Variants in ACACB observed in about 807,000 individuals in gnomAD.
ACACB encodes the protein acetyl-CoA carboxylase beta.
A neutral mutation model predicts 278.8 loss-of-function variants in ACACB; 209 were observed. The observed-to-expected ratio is 0.75, with a 90% CI of 0.67 to 0.84. The LOEUF (loss-of-function observed/expected upper bound fraction) is 0.84. ACACB is among the 40% of genes least tolerant of loss of function. The pLI, the probability that ACACB is intolerant of heterozygous loss-of-function variation, is 0.00. For synonymous variants in ACACB, 1,174 were observed against 1,285.6 expected, an observed-to-expected ratio of 0.91 and a Z score of 1.86; for missense variants, 2,850 against 3,269.0, an observed-to-expected ratio of 0.87 and a Z score of 3.13.
chr12:109,131,661 G>A (rs1005678544), intron 1 of ACACB, among the ~76,000 whole-genome samples: 9 of 152,158 alleles, frequency 5.9e-5, no homozygotes, highest in African/African-American at 2.2e-4. Context: ...GCAGTTTCTC[G>A]TGTTCATTGT....
intron 1 of ACACB, among the ~76,000 whole-genome samples, chr12:109,138,223 C>T (rs2043016206): frequency 1.3e-5 from 2 of 152,158 alleles, no homozygotes; most frequent in Non-Finnish European, 2.9e-5. Context: ...AACAAGATTT[C>T]CTTCAAATAA....
intron 21 of ACACB, among the ~76,000 whole-genome samples, chr12:109,211,329 T>A (rs115649435): frequency 1.4e-4 from 21 of 151,138 alleles, no homozygotes; most frequent in African/African-American, 5.1e-4. Context: ...AGACCACATA[T>A]TATGTGATTC....
At position 109,201,748 on chromosome 12, in the gene ACACB, C is replaced by A. The variant is rs766077684; in HGVS notation, c.2913+47C>A. Reference sequence around the variant, plus strand: ...GTGCTCTGGCTGGTGCAGGTGCACTCGTGACCTCCACTGGTTCAGTGAGAC... The same window carrying A: ...GTGCTCTGGCTGGTGCAGGTGCACTAGTGACCTCCACTGGTTCAGTGAGAC... On this transcript the variant is annotated intron_variant, in intron 19 of 52. Coordinates refer to ENST00000338432, the MANE Select transcript of ACACB (RefSeq NM_001093.4). 23 of 1,600,048 alleles carry A rather than the reference C, an allele frequency of 1.4e-5. No homozygotes were observed. In the Middle Eastern group the frequency reaches 1.6e-3, roughly 109 times the overall value.
intron 1 of ACACB, among the ~76,000 whole-genome samples, chr12:109,121,043 G>A (rs1300046159): frequency 6.6e-6 from 1 of 152,086 alleles, no homozygotes; most frequent in Admixed American, 6.5e-5. Context: ...AGGTTCAAGC[G>A]ATTCTCCTGC....
At chr12:109,242,675 T>C in intron 37 of ACACB, 83 bp downstream of exon 37, 2 of 1,509,530 alleles carry the variant, frequency 1.3e-6, no homozygotes, top group Non-Finnish European at 1.8e-6. Flanking sequence ...TTAATTCTCC[T>C]TCTAAAGACC....
At position 109,171,831 on chromosome 12, in the gene ACACB, G is replaced by A. The variant is rs372405230; in HGVS notation, c.952G>A (p.Val318Ile). ...GTACATCAAGATGGCGGATCATTAC[G>A]TCCCCGTCCCAGGAGGGCCCAATAA... ...AEYIKMADHY[V>I]PVPGGPNNNN... is the part of the protein sequence containing the mutation. Residue 318 changes from valine to isoleucine, a missense_variant, in exon 5 of 53, where the codon GTC (valine) becomes ATC (isoleucine). By Grantham distance (29) the Val-to-Ile change is conservative. Coordinates refer to ENST00000338432, the MANE Select transcript of ACACB (RefSeq NM_001093.4). 4.9e-5 allele frequency: 79 copies of A among 1,613,884 alleles called. No homozygotes were observed. The Middle Eastern group carries it at 1.5e-3, about 30-fold the overall frequency.
chr12:109,238,194 T>C (rs560384296), intron 34 of ACACB, among the ~76,000 whole-genome samples: 1 of 151,208 alleles, frequency 6.6e-6, no homozygotes, highest in Admixed American at 6.6e-5. Flanking sequence ...CCTAGAGTTG[T>C]AGGCATAAGT....
intron 1 of ACACB, among the ~76,000 whole-genome samples, chr12:109,124,909 T>C (rs2042640525): frequency 6.6e-6 from 1 of 152,074 alleles, no homozygotes; most frequent in South Asian, 2.1e-4. Flanking sequence ...AGAGATGAGG[T>C]TTCACTACAT....
At chr12:109,252,213 C>A in intron 42 of ACACB, 57 bp downstream of exon 42, 2 of 1,225,124 alleles carry the variant, frequency 1.6e-6, no homozygotes, top group Non-Finnish European at 1.1e-6. Context: ...GTCATTTTAA[C>A]ATTCCCATTG....
intron 1 of ACACB, among the ~76,000 whole-genome samples, chr12:109,132,255 C>T (rs892275701): frequency 2.5e-4 from 38 of 152,028 alleles, no homozygotes; most frequent in African/African-American, 9.2e-4. Flanking sequence ...ACCTCTGCCT[C>T]CTGGGTTTAG....
chr12:109,128,618 C>T (rs967292699), intron 1 of ACACB, among the ~76,000 whole-genome samples: 5 of 152,122 alleles, frequency 3.3e-5, no homozygotes, highest in East Asian at 1.9e-4. Context: ...GGATTACGGG[C>T]GTGAGCCACT....
chr12:109,117,787 T>C (rs1042806112), intron 1 of ACACB, among the ~76,000 whole-genome samples: 1 of 152,218 alleles, frequency 6.6e-6, no homozygotes, highest in African/African-American at 2.4e-5. Flanking sequence ...GTGAAGATAT[T>C]ATTATTATCA....
chr12:109,239,868 G>C lies in ACACB; in HGVS notation c.4701G>C (p.Arg1567=). 1 of 1,614,022 alleles carries C rather than the reference G, an allele frequency of 6.2e-7. No homozygotes were observed. Among genetic ancestry groups the C allele is most frequent in the Non-Finnish European group, 8.5e-7 (1 of 1,179,988 alleles). The part of the protein sequence containing the change: ...SFEYLQNEGE[R]LLLEAMDELE... ...AATACCTGCAGAACGAGGGTGAGCGGCTGCTCCTGGAGGCCATGGACGAGC... is the reference window on the plus strand; with the variant it reads ...AATACCTGCAGAACGAGGGTGAGCGCCTGCTCCTGGAGGCCATGGACGAGC... The change falls in exon 35 of 53, where the codon CGG becomes CGC. Residue 1567 remains arginine, a synonymous_variant. Transcript: ENST00000338432.
chr12:109,194,744 T>C (rs1479753643), intron 16 of ACACB, among the ~76,000 whole-genome samples: 1 of 152,122 alleles, frequency 6.6e-6, no homozygotes, highest in African/African-American at 2.4e-5. Flanking sequence ...CAGTATGATT[T>C]CATCTTAATT....
At chr12:109,262,293 C>T in intron 48 of ACACB, 64 bp from the exon 49 acceptor site, 1 of 1,311,676 alleles carries the variant, frequency 7.6e-7, no homozygotes, top group Non-Finnish European at 1.1e-6. Context: ...CCCCCCACAT[C>T]CATTAGCCCT....
At chr12:109,137,727 C>T (rs2043002618) in intron 1 of ACACB, among the ~76,000 whole-genome samples, 1 of 151,534 alleles carries the variant, frequency 6.6e-6, no homozygotes, top group Admixed American at 6.6e-5. Flanking sequence ...TTTTGTAATG[C>T]TTCTAGTATA....
chr12:109,260,059 A>C, intron 47 of ACACB: 1 of 1,355,584 alleles, frequency 7.4e-7, no homozygotes, highest in Non-Finnish European at 9.8e-7. Flanking sequence ...TCTTGTTTTC[A>C]TGTAGGGTGC....
At position 109,234,065 on chromosome 12, in the gene ACACB, G is replaced by A. The variant is rs754773392; in HGVS notation, c.4347+20G>A. 1 of 1,570,548 alleles carries A rather than the reference G, an allele frequency of 6.4e-7. No homozygotes were observed. Among genetic ancestry groups the A allele is most frequent in the South Asian group, 1.1e-5 (1 of 87,386 alleles). ...TCCAAGGTACTCTGGGCGTGCCTCT[G>A]GTTTTGGTGGGGGTTCTTGGAGAAG... On this transcript the variant is annotated intron_variant, in intron 31 of 52. Coordinates refer to ENST00000338432, the MANE Select transcript of ACACB (RefSeq NM_001093.4).
intron 40 of ACACB, 162 bp from the exon 41 acceptor site, chr12:109,249,822 T>C (rs2047046262): frequency 1.3e-6 from 1 of 772,692 alleles, no homozygotes; most frequent in South Asian, 2.1e-5. Flanking sequence ...ATCTTAGCAC[T>C]CATTTTGAGG....
Sources: gnomAD v4.1 joint callset for allele counts (sites outside exome capture counted in the v4.1 genomes callset) on GRCh38, gnomAD v4.1.1 for gene constraint, MANE v1.5 for transcripts, NCBI Gene and HGNC (gene_info 2026-07-23, HGNC 2026-07-21) for gene names.